HOXA10: variants seen among roughly 807,000 people sequenced by gnomAD.
The protein encoded by HOXA10 is homeobox A10.
A neutral mutation model predicts 29.7 loss-of-function variants in HOXA10; 12 were observed. That is an observed-to-expected ratio of 0.40 (90% CI 0.26 to 0.65). The LOEUF (loss-of-function observed/expected upper bound fraction) is 0.65. HOXA10 is among the 30% of genes least tolerant of loss of function. The pLI, the probability that HOXA10 is intolerant of heterozygous loss-of-function variation, is 0.37. For synonymous variants in HOXA10, 327 were observed against 280.7 expected, an observed-to-expected ratio of 1.16 and a Z score of -1.65; for missense variants, 656 against 585.9, an observed-to-expected ratio of 1.12 and a Z score of -1.24.
At position 27,174,155 on chromosome 7, in the gene HOXA10, C is replaced by T. The variant is rs983110503; in HGVS notation, c.152G>A (p.Gly51Asp). The T allele has an allele frequency of 2.5e-6, 4 of 1,595,416 alleles. No individual in the cohort carries two copies. Among genetic ancestry groups the T allele is most frequent in the Non-Finnish European group, 3.4e-6 (4 of 1,178,828 alleles). ...EAGGGGGGAG[G>D]GGGGGYYAHG... is the part of the protein sequence containing the mutation. Reference sequence around the variant, plus strand: ...GGCGTAGTAACCGCCACCGCCGCCGCCCCCCGCGCCACCACCACCGCCGCC... The same window carrying T: ...GGCGTAGTAACCGCCACCGCCGCCGTCCCCCGCGCCACCACCACCGCCGCC... Residue 51 changes from glycine (G) to aspartate (D), a missense_variant, in exon 1 of 2, where the codon GGC becomes GAC. Coordinates refer to ENST00000283921, the MANE Select transcript of HOXA10 (RefSeq NM_018951.4).
At chr7:27,173,229 T>C in intron 1 of HOXA10, 120 bp downstream of exon 1, 2 of 1,485,998 alleles carry the variant, frequency 1.3e-6, no homozygotes, top group Non-Finnish European at 9.1e-7. Flanking sequence ...AAGGTCAGCC[T>C]GCCTGCAGCT....
At chr7:27,172,497 T>C in intron 1 of HOXA10, 1 of 400,488 alleles carries the variant, frequency 2.5e-6, no homozygotes, top group South Asian at 2.5e-5. Context: ...ACGCTTTTCT[T>C]TGCCTCTTGC....
Position 27,173,401 on chromosome 7 carries a change from G to C in HOXA10, c.906C>G (p.Leu302=). Residue 302 remains leucine (L), a synonymous_variant, in exon 1 of 2, where the codon CTC becomes CTG. Coordinates refer to ENST00000283921, the MANE Select transcript of HOXA10 (RefSeq NM_018951.4). ...AHASSSAAEE[L]SPAPSESSKA... Reference sequence around the variant, plus strand: ...TGCTGCTCTCGGAAGGGGCCGGGGAGAGCTCCTCCGCGGCCGAGGACGACG... The same window carrying C: ...TGCTGCTCTCGGAAGGGGCCGGGGACAGCTCCTCCGCGGCCGAGGACGACG... 4 of 1,611,014 alleles carry C rather than the reference G, an allele frequency of 2.5e-6. No homozygotes were observed. The East Asian group carries it at 8.9e-5, about 36-fold the overall frequency.
In HOXA10 at chr7:27,174,130, G is replaced by A. The variant is rs1783595724; in HGVS notation, c.177C>T (p.Ala59=). 6.3e-7 allele frequency: 1 copy of A among 1,592,462 alleles called. No homozygotes were observed. The highest frequency in any genetic ancestry group is 1.3e-5 in the African/African-American group (1 of 74,714). The part of the protein sequence containing the change: ...AGGGGGGGYY[A]HGGVYLPPAA... Reference sequence around the variant, plus strand: ...CGGGCGGCAGGTAGACCCCGCCGTGGGCGTAGTAACCGCCACCGCCGCCGC... The same window carrying A: ...CGGGCGGCAGGTAGACCCCGCCGTGAGCGTAGTAACCGCCACCGCCGCCGC... Residue 59 remains alanine, a synonymous_variant, in exon 1 of 2, where the codon GCC becomes GCT. Transcript: ENST00000283921.
At position 27,174,261 on chromosome 7, in the gene HOXA10, TG is replaced by T. The variant is rs1265935360; in HGVS notation, c.45del (p.Thr16GlnfsTer88). Reference protein sequence around the residue: ...KGYLLPSPNYPTTMSCSESPA... With the variant: ...KGYLLPSPNYXTTMSCSESPA... Reference sequence around the variant, plus strand: ...GGGCTCTCCGAGCATGACATTGTTGTGGGATAATTTGGCGAAGGGAGCAGAT... The same window carrying T: ...GGGCTCTCCGAGCATGACATTGTTGTGGATAATTTGGCGAAGGGAGCAGAT... On this transcript the variant is annotated frameshift_variant, in exon 1 of 2. Transcript: ENST00000283921. LOFTEE classifies it high-confidence loss of function. 1 of 1,599,318 alleles carries T rather than the reference TG, an allele frequency of 6.3e-7. No individual in the cohort carries two copies.
chr7:27,176,298 A>G (rs1390765451), upstream of HOXA10, among the ~76,000 whole-genome samples: 1 of 152,236 alleles, frequency 6.6e-6, no homozygotes, highest in Non-Finnish European at 1.5e-5. Flanking sequence ...CCAAGAGATC[A>G]TTAACTCTCC....
At chr7:27,176,295 A>G (rs548409374), upstream of HOXA10, among the ~76,000 whole-genome samples, 1 of 152,306 alleles carries the variant, frequency 6.6e-6, no homozygotes, top group South Asian at 2.1e-4. Context: ...GTGCCAAGAG[A>G]TCATTAACTC....
At chr7:27,177,959 A>G (rs1348629185), upstream of HOXA10, among the ~76,000 whole-genome samples, 5 of 152,250 alleles carry the variant, frequency 3.3e-5, no homozygotes, top group Admixed American at 6.5e-5. Flanking sequence ...GGGCCAAAGT[A>G]AACACCAGGC....
intron 1 of HOXA10, 59 bp from the exon 2 acceptor site, chr7:27,172,232 G>T (rs1783516322): frequency 6.5e-7 from 1 of 1,549,464 alleles, no homozygotes; most frequent in Non-Finnish European, 8.9e-7. Flanking sequence ...GGCTGCCCGC[G>T]GGGGTGAATT....
rs774185135 is a variant in HOXA10, at chr7:27,173,909, G to T, written c.398C>A (p.Pro133Gln). ...CGGCTGCTGCTGGGGCGGCGGCGGCGGCCCGTCAGGCGGCTCCATCCGGCA... is the reference window on the plus strand; with the variant it reads ...CGGCTGCTGCTGGGGCGGCGGCGGCTGCCCGTCAGGCGGCTCCATCCGGCA... ...RSCRMEPPDG[P>Q]PPPPQQQPPP... Residue 133 changes from proline (P) to glutamine (Q), a missense_variant, in exon 1 of 2, where the codon CCG becomes CAG. This residue lies in a region of HOXA10 where 594 missense variants were observed against 491.9 expected (regional missense o/e 1.21). Coordinates refer to ENST00000283921, the MANE Select transcript of HOXA10 (RefSeq NM_018951.4). 4.5e-5 allele frequency: 68 copies of T among 1,522,394 alleles called. No individual in the cohort carries two copies. The highest frequency in any genetic ancestry group is 5.6e-5 in the Non-Finnish European group (64 of 1,137,086). 94.3% of individuals were successfully genotyped at this position (1,522,394 alleles called of 1,614,324 possible). A position where few individuals can be genotyped will look rare whatever the true frequency, so the allele number is the denominator to read the frequency against.
At chr7:27,174,395 C>A, upstream of HOXA10, 2 of 1,563,524 alleles carry the variant, frequency 1.3e-6, no homozygotes, top group East Asian at 2.3e-5. Flanking sequence ...AGTTTCCGCG[C>A]GACCACTCCC....
intron 1 of HOXA10, 109 bp downstream of exon 1, chr7:27,173,240 T>G: frequency 6.5e-7 from 1 of 1,533,646 alleles, no homozygotes; most frequent in Non-Finnish European, 8.8e-7. Flanking sequence ...GCCTGCAGCT[T>G]GGGCCAAGGC....
chr7:27,178,625 C>T (rs1783695819), upstream of HOXA10, among the ~76,000 whole-genome samples: 1 of 152,234 alleles, frequency 6.6e-6, no homozygotes. Context: ...TCATTTCTTG[C>T]CTTGTTGCTT....
upstream of HOXA10, among the ~76,000 whole-genome samples, chr7:27,177,203 G>A (rs116405758): frequency 0.01 from 1,537 of 152,364 alleles, 20 homozygotes; most frequent in Non-Finnish European, 0.014. Flanking sequence ...TATGGGCCTC[G>A]CAAGCCGTGG....
chr7:27,173,492 G>C lies in HOXA10; in HGVS notation c.815C>G (p.Ser272Trp). ...GCAAGCCAGCGTGGGGGGCGGCGGC[G>C]AATCGAGGGCTCGCTCCTTCCGGGC... ...DAARKERALD[S>W]PPPPTLACGS... Residue 272 changes from serine (S) to tryptophan (W), a missense_variant, in exon 1 of 2, where the codon TCG becomes TGG. Transcript: ENST00000283921. 6.5e-7 allele frequency: 1 copy of C among 1,537,320 alleles called. No individual in the cohort carries two copies. The highest frequency in any genetic ancestry group is 8.7e-7 in the Non-Finnish European group (1 of 1,146,790).
At chr7:27,179,537 C>A (rs540915692) in intron 1 of HOXA10, 1 of 717,180 alleles carries the variant, frequency 1.4e-6, no homozygotes, top group Non-Finnish European at 2.6e-6. Flanking sequence ...GGCTCCCTAC[C>A]GCGTCACCCC....
At position 27,171,250 on chromosome 7, in the gene HOXA10, T is replaced by G; in HGVS notation, c.*649A>C. 3 of 454,134 alleles carry G rather than the reference T, an allele frequency of 6.6e-6. No individual in the cohort carries two copies. The highest frequency in any genetic ancestry group is 8.8e-6 in the Non-Finnish European group (2 of 226,786). The allele number at this position is 454,134 out of a possible 1,614,324, so 28.1% of individuals were successfully genotyped here. A position where few individuals can be genotyped will look rare whatever the true frequency, so the allele number is the denominator to read the frequency against. On this transcript the variant is annotated 3_prime_UTR_variant, in exon 2 of 2. Transcript: ENST00000283921. ...TTTTTTTCTTTTTAAAGCTGGGATA[T>G]CTTACAGAGGAAGGAAAAATTAACC...
At position 27,173,085 on chromosome 7, in the gene HOXA10, G is replaced by A. The variant is rs1783544487; in HGVS notation, c.958+264C>T. ...CCACAGGAAAGAGCGCACAGGAGGG[G>A]GCCTGCTCGCTGGTGTCCTCGTCCC... On this transcript the variant is annotated intron_variant, in intron 1 of 1. Transcript: ENST00000283921. 5 of 563,058 alleles carry A rather than the reference G, an allele frequency of 8.9e-6. No individual in the cohort carries two copies. In the South Asian group the frequency reaches 1.0e-4, roughly 11 times the overall value. 34.9% of individuals were successfully genotyped at this position (563,058 alleles called of 1,614,324 possible).
rs755558629 is a variant in HOXA10 at position 27,173,843 on chromosome 7, G to A, written c.464C>T (p.Thr155Ile). 1 of 1,609,208 alleles carries A rather than the reference G, an allele frequency of 6.2e-7. No homozygotes were observed. Among genetic ancestry groups the A allele is most frequent in the African/African-American group, 1.3e-5 (1 of 74,584 alleles). Residue 155 changes from threonine (T) to isoleucine (I), a missense_variant, in exon 1 of 2, where the codon ACC becomes ATC. By Grantham distance (89) the Thr-to-Ile change is moderately conservative. Transcript: ENST00000283921. ...GATGTTCTGCGCGAAAGAGCACGAG[G>A]TGGCCTGCGGCGCTGGCTGGGGTGG... ...PQPPQPAPQA[T>I]SCSFAQNIKE...
Sources: gnomAD v4.1 joint callset for allele counts (sites outside exome capture counted in the v4.1 genomes callset) on GRCh38, gnomAD v4.1.1 for gene constraint, gnomAD v4.1.1 regional missense constraint, MANE v1.5 for transcripts, NCBI Gene and HGNC (gene_info 2026-07-23, HGNC 2026-07-21) for gene names.